Variants in TCF4 observed in about 807,000 individuals in gnomAD.
TCF4 encodes transcription factor 4, also known as SL3-3 enhancer factor 2.
A neutral mutation model predicts 82.1 loss-of-function variants in TCF4; 3 were observed. The observed-to-expected ratio is 0.04, with a 90% CI of 0.02 to 0.09. The LOEUF is 0.09. Ranked by LOEUF, TCF4 falls within the 10% of genes least tolerant of loss-of-function variation. The pLI is 1.00. For missense variants in TCF4, 518 were observed against 852.7 expected, an observed-to-expected ratio of 0.61 and a Z score of 4.89; for synonymous variants, 276 against 309.6, an observed-to-expected ratio of 0.89 and a Z score of 1.14.
chr18:55,339,289 T>A (rs2079302127), intron 8 of TCF4, among the ~76,000 whole-genome samples: 2 of 152,180 alleles, frequency 1.3e-5, no homozygotes, highest in African/African-American at 4.8e-5. Context: ...ATAAATGAAC[T>A]GTGAGTGGAG....
At chr18:55,607,112 G>C (rs1054161552) in intron 2 of TCF4, among the ~76,000 whole-genome samples, 2 of 152,094 alleles carry the variant, frequency 1.3e-5, no homozygotes, top group Admixed American at 6.5e-5. Context: ...TGGGGGATGT[G>C]ATAAAAGTTA....
chr18:55,228,444 G>T, intron 18 of TCF4, 83 bp from the exon 19 acceptor site: 1 of 1,566,046 alleles, frequency 6.4e-7, no homozygotes, highest in Non-Finnish European at 8.7e-7. Context: ...TTGCGTGTCT[G>T]ACCTTTTTCT....
intron 5 of TCF4, among the ~76,000 whole-genome samples, chr18:55,415,921 C>T (rs1339934566): frequency 6.6e-6 from 1 of 152,166 alleles, no homozygotes; most frequent in East Asian, 1.9e-4. Context: ...GTGTCTTATA[C>T]AAATCTATTA....
Position 55,633,147 on chromosome 18 carries a change from G to C in TCF4, c.196-1759C>G, listed in dbSNP as rs1222642988. 2.0e-5 allele frequency among the ~76,000 whole-genome samples: 3 copies of C among 152,206 alleles called. No individual in the cohort carries two copies. The highest frequency in any genetic ancestry group is 7.2e-5 in the African/African-American group (3 of 41,454). On this transcript the variant is annotated intron_variant, in intron 1 of 20. Coordinates refer to the TCF4 transcript ENST00000398339. The surrounding 1 kb of genome is among the most constrained non-coding windows in gnomAD (Gnocchi z 4.0). ...CTATGGGTTGGGTATTTGGAATGTG[G>C]CTTAGCCAGATAGTTCTGGCTTACG...
intron 3 of TCF4, among the ~76,000 whole-genome samples, chr18:55,499,913 T>G (rs1000086414): frequency 6.6e-6 from 1 of 152,228 alleles, no homozygotes; most frequent in Non-Finnish European, 1.5e-5. Flanking sequence ...CCAGGCACAG[T>G]GGCTCACGCC....
chr18:55,396,974 G>A (rs1038307536), intron 6 of TCF4, among the ~76,000 whole-genome samples: 2 of 152,200 alleles, frequency 1.3e-5, no homozygotes, highest in African/African-American at 2.4e-5. Context: ...TCACCAGTTT[G>A]AAGTCTTCAG....
intron 3 of TCF4, among the ~76,000 whole-genome samples, chr18:55,567,729 A>G (rs1327519471): frequency 6.6e-6 from 1 of 152,034 alleles, no homozygotes; most frequent in Non-Finnish European, 1.5e-5. Flanking sequence ...AAAAAAGGAC[A>G]CAATCAACAA....
chr18:55,345,980 C>G (rs1302558123), intron 8 of TCF4, among the ~76,000 whole-genome samples: 1 of 152,052 alleles, frequency 6.6e-6, no homozygotes, highest in Non-Finnish European at 1.5e-5. Context: ...AAACAGTTTA[C>G]CAATATCTCT....
intron 3 of TCF4, among the ~76,000 whole-genome samples, chr18:55,527,734 C>A (rs1237707149): frequency 1.3e-5 from 2 of 152,034 alleles, no homozygotes; most frequent in Non-Finnish European, 2.9e-5. Flanking sequence ...GATGTATATC[C>A]AACTTGAAAA....
At chr18:55,558,473 C>T (rs1328599259) in intron 3 of TCF4, among the ~76,000 whole-genome samples, 1 of 152,076 alleles carries the variant, frequency 6.6e-6, no homozygotes, top group African/African-American at 2.4e-5. Flanking sequence ...AAATAAGTAA[C>T]AACAATGGAT....
Position 55,586,133 on chromosome 18 carries a change from A to AG in TCF4, c.73-782dup, listed in dbSNP as rs1189634579. Reference sequence around the variant, plus strand: ...GGTCTAGAAGAGGAGGAGGAGGAGGAGAAGGAGGAGGAGGAGGAGGAGCAG... The same window carrying AG: ...GGTCTAGAAGAGGAGGAGGAGGAGGAGGAAGGAGGAGGAGGAGGAGGAGCAG... On this transcript the variant is annotated intron_variant, in intron 2 of 19. Coordinates refer to ENST00000354452, the MANE Select transcript of TCF4 (RefSeq NM_001083962.2). The AG allele has an allele frequency of 1.2e-5, 17 of 1,437,096 alleles. 2 individuals are homozygous for AG. The highest frequency in any genetic ancestry group is 2.9e-5 in the East Asian group (1 of 34,664). 89.0% of individuals were successfully genotyped at this position (1,437,096 alleles called of 1,614,324 possible). A position where few individuals can be genotyped will look rare whatever the true frequency, so the allele number is the denominator to read the frequency against.
intron 3 of TCF4, among the ~76,000 whole-genome samples, chr18:55,491,254 C>T (rs1020905372): frequency 6.6e-6 from 1 of 152,008 alleles, no homozygotes; most frequent in South Asian, 2.1e-4. Flanking sequence ...TATAACAATA[C>T]CCCCAGACCA....
rs1406249964 is a variant in TCF4, at chr18:55,585,798, A to G, written c.73-446T>C. ...CTGTCATATGTGAACCCAAATAAAA[A>G]TAAAAGTGCCACCTGCACTAAATTC... is the stretch of plus-strand genomic sequence containing the variant. On this transcript the variant is annotated intron_variant, in intron 2 of 19. Coordinates refer to ENST00000354452, the MANE Select transcript of TCF4 (RefSeq NM_001083962.2). 4 of 1,103,944 alleles carry G rather than the reference A, an allele frequency of 3.6e-6. No individual in the cohort carries two copies. In the Admixed American group the frequency reaches 1.9e-4, roughly 52 times the overall value. 68.4% of individuals were successfully genotyped at this position (1,103,944 alleles called of 1,614,324 possible).
rs141137110 is a variant in TCF4, at chr18:55,577,833, G to T, written c.145+7447C>A. Among the ~76,000 whole-genome samples, 18 of 151,944 alleles carry T rather than the reference G, an allele frequency of 1.2e-4. No homozygotes were observed. The East Asian group carries it at 3.5e-3, about 29-fold the overall frequency. ...CTTCTCTGTTTTTATTGAGCAAGTG[G>T]TCTTTTCCCAAGGAGCAGAAAGTTT... On this transcript the variant is annotated intron_variant, in intron 3 of 19. Transcript: ENST00000354452.
intron 6 of TCF4, among the ~76,000 whole-genome samples, chr18:55,388,822 T>C (rs1021903935): frequency 3.3e-5 from 5 of 152,106 alleles, no homozygotes; most frequent in African/African-American, 1.2e-4. Context: ...TAAAACTGGA[T>C]TAAAAATAAT....
intron 2 of TCF4, chr18:55,631,260 G>T: frequency 2.2e-6 from 2 of 925,576 alleles, no homozygotes; most frequent in Admixed American, 2.1e-5. Context: ...ATGTTGGCCA[G>T]GCTGTCTTGA....
chr18:55,582,912 T>C (rs1293359857), intron 3 of TCF4, among the ~76,000 whole-genome samples: 5 of 152,196 alleles, frequency 3.3e-5, no homozygotes, highest in Admixed American at 2.6e-4. Context: ...AGTTTCCTAG[T>C]TGATCCTTCC....
At chr18:55,353,600 T>C (rs1347773150) in intron 6 of TCF4, among the ~76,000 whole-genome samples, 1 of 152,182 alleles carries the variant, frequency 6.6e-6, no homozygotes, top group Non-Finnish European at 1.5e-5. Context: ...GATAAAAATA[T>C]ATGTGTTCTT....
chr18:55,367,390 A>G (rs1171277989), intron 6 of TCF4, among the ~76,000 whole-genome samples: 2 of 152,208 alleles, frequency 1.3e-5, no homozygotes, highest in African/African-American at 2.4e-5. Flanking sequence ...TGGAAATTCT[A>G]TTCCTTTGCC....
Sources: gnomAD v4.1 joint callset for allele counts (sites outside exome capture counted in the v4.1 genomes callset) on GRCh38, gnomAD v4.1.1 for gene constraint, Gnocchi (gnomAD v3.1) non-coding constraint, MANE v1.5 for transcripts, NCBI Gene and HGNC (gene_info 2026-07-23, HGNC 2026-07-21) for gene names.